Variants in NOTCH1 observed in about 807,000 individuals in gnomAD.
The protein encoded by NOTCH1 is neurogenic locus notch homolog protein 1.
In NOTCH1, 37 loss-of-function variants were observed where a neutral mutation model predicts 254.8. The ratio of observed to expected loss-of-function variants is 0.15; its 90% CI spans 0.11 to 0.19. The LOEUF (loss-of-function observed/expected upper bound fraction) is 0.19, where lower values mean the gene tolerates loss of function less well. Ranked by LOEUF, NOTCH1 falls within the 10% of genes least tolerant of loss-of-function variation. The probability of loss-of-function intolerance (pLI) is 1.00; values close to 1 mark genes in which losing one functional copy is unlikely to be tolerated. For missense variants in NOTCH1, 2,972 were observed against 3,708.6 expected, an observed-to-expected ratio of 0.80 and a Z score of 5.16; for synonymous variants, 1,731 against 1,618.1, an observed-to-expected ratio of 1.07 and a Z score of -1.68.
Position 136,513,141 on chromosome 9 carries a change from G to A in NOTCH1, c.2354-7C>T, listed in dbSNP as rs1843210128. ...TTGGTCTGGCAGTTGGGACCTGGAG[G>A]GAAGGGGACAGCACTCGGCATGTCC... On this transcript the variant is annotated splice_polypyrimidine_tract_variant and splice_region_variant and intron_variant, in intron 14 of 33. Transcript: ENST00000651671. This position sits in a 1 kb window ranked among gnomAD's most constrained non-coding sequence, Gnocchi z 4.7. 1 of 1,608,664 alleles carries A rather than the reference G, an allele frequency of 6.2e-7. No individual in the cohort carries two copies. Among genetic ancestry groups the A allele is most frequent in the South Asian group, 1.1e-5 (1 of 90,998 alleles).
chr9:136,502,195 G>A (rs1043785629), intron 28 of NOTCH1, 77 bp downstream of exon 28: 333 of 1,571,790 alleles, frequency 2.1e-4, no homozygotes, highest in Non-Finnish European at 2.7e-4. Flanking sequence ...GTCGGGAGGG[G>A]CAGACTCCCG....
intron 4 of NOTCH1, among the ~76,000 whole-genome samples, chr9:136,521,194 G>A (rs539628108): frequency 6.6e-6 from 1 of 152,236 alleles, no homozygotes; most frequent in Admixed American, 6.5e-5. Flanking sequence ...GAGTCATTTG[G>A]GGAGGCCCCC....
rs1221283789 is a variant in NOTCH1 at position 136,495,374 on chromosome 9, AC to A, written c.*696del. Reference sequence around the variant, plus strand: ...GATTCATGATTGGTACCATGGGTGCACTCTTGGCATACACACTCCGAGAACA... The same window carrying A: ...GATTCATGATTGGTACCATGGGTGCATCTTGGCATACACACTCCGAGAACA... On this transcript the variant is annotated 3_prime_UTR_variant, in exon 34 of 34. Transcript: ENST00000651671. The A allele has an allele frequency of 2.5e-6, 1 of 398,758 alleles. No individual in the cohort carries two copies. The highest frequency in any genetic ancestry group is 4.4e-5 in the Admixed American group (1 of 22,716). The allele number at this position is 398,758 out of a possible 1,614,324, so 24.7% of individuals were successfully genotyped here.
intron 2 of NOTCH1, among the ~76,000 whole-genome samples, chr9:136,541,515 C>T (rs1328781320): frequency 6.6e-6 from 1 of 152,234 alleles, no homozygotes; most frequent in Non-Finnish European, 1.5e-5. Flanking sequence ...CAAGAGCCTG[C>T]ACCCCAGACT....
rs1470997215 is a variant in NOTCH1 at position 136,509,940 on chromosome 9, G to A, written c.2762C>T (p.Ser921Phe). The change falls in exon 18 of 34, where the codon TCC becomes TTC. Residue 921 changes from serine (S) to phenylalanine (F), a missense_variant. This residue lies in a region of NOTCH1 where 1,343 missense variants were observed against 1,557.0 expected (regional missense o/e 0.86). Transcript: ENST00000651671. ...GGCCGTGTTGATGCCGTCTGTGCAGGAGCCCCCGTTGTGACACGGGTCTGG... is the reference window on the plus strand; with the variant it reads ...GGCCGTGTTGATGCCGTCTGTGCAGAAGCCCCCGTTGTGACACGGGTCTGG... ...CRPNPCHNGG[S>F]CTDGINTAFC... 1.9e-6 allele frequency: 3 copies of A among 1,613,120 alleles called. No individual in the cohort carries two copies. The highest frequency in any genetic ancestry group is 1.3e-5 in the African/African-American group (1 of 74,950).
intron 12 of NOTCH1, 114 bp from the exon 13 acceptor site, chr9:136,514,816 TC>T: frequency 9.1e-7 from 1 of 1,094,734 alleles, no homozygotes; most frequent in Non-Finnish European, 1.3e-6. Context: ...GCCACATCCT[TC>T]CAGGTGTCAG....
rs542249303 is a variant in NOTCH1 at position 136,517,871 on chromosome 9, A to C, written c.1322T>G (p.Leu441Arg). 1 of 1,612,416 alleles carries C rather than the reference A, an allele frequency of 6.2e-7. No individual in the cohort carries two copies. The highest frequency in any genetic ancestry group is 1.1e-5 in the South Asian group (1 of 91,070). Residue 441 changes from leucine (L) to arginine (R), a missense_variant, in exon 8 of 34, where the codon CTG becomes CGG. Leu to Arg is a moderately radical substitution (Grantham distance 102). Around this residue, in one of 8 missense-constraint regions of NOTCH1, gnomAD observed 90 missense variants for 183.6 expected, o/e 0.49. Transcript: ENST00000651671. ...GCATCGGGGGCCCGTGTAGCCCTGC[A>C]GACACTGGCACTCGAAGGAGCCCAG... ...NTLGSFECQC[L>R]QGYTGPRCEI...
chr9:136,497,582 G>T, intron 33 of NOTCH1, 24 bp from the exon 34 acceptor site: 1 of 1,548,380 alleles, frequency 6.5e-7, no homozygotes, highest in Non-Finnish European at 8.7e-7. Context: ...GCGGGGGCCG[G>T]TGAGGGGGGC....
chr9:136,517,389 TG>T lies in NOTCH1; in HGVS notation c.1442-5del. 1 of 1,583,024 alleles carries T rather than the reference TG, an allele frequency of 6.3e-7. No individual in the cohort carries two copies. Among genetic ancestry groups the T allele is most frequent in the Admixed American group, 1.8e-5 (1 of 57,068 alleles). On this transcript the variant is annotated splice_region_variant and splice_polypyrimidine_tract_variant and intron_variant, in intron 8 of 33. Coordinates refer to ENST00000651671, the MANE Select transcript of NOTCH1 (RefSeq NM_017617.5). ...TCGCAGTGCACACCCTCGTAGCCTG[TG>T]GGGTGGGGCAACAGTGAGGGGGGCA...
In NOTCH1 at chr9:136,494,767, G is replaced by C. The variant is rs1331626792; in HGVS notation, c.*1304C>G. The C allele has an allele frequency of 2.5e-6, 1 of 398,598 alleles. No homozygotes were observed. Among genetic ancestry groups the C allele is most frequent in the African/African-American group, 2.1e-5 (1 of 48,630 alleles). The allele number at this position is 398,598 out of a possible 1,614,324, so 24.7% of individuals were successfully genotyped here. A position where few individuals can be genotyped will look rare whatever the true frequency, so the allele number is the denominator to read the frequency against. On this transcript the variant is annotated 3_prime_UTR_variant, in exon 34 of 34. Coordinates refer to ENST00000651671, the MANE Select transcript of NOTCH1 (RefSeq NM_017617.5). ...TCCCTCACTGGCATGACACACAACA[G>C]ACTCATTCATTAAGATTTTTTAAAC...
At position 136,495,294 on chromosome 9, in the gene NOTCH1, G is replaced by A. The variant is rs1044466429; in HGVS notation, c.*777C>T. The A allele has an allele frequency of 5.0e-6, 2 of 398,856 alleles. No homozygotes were observed. The highest frequency in any genetic ancestry group is 8.8e-6 in the Non-Finnish European group (2 of 226,086). The allele number at this position is 398,856 out of a possible 1,614,324, so 24.7% of individuals were successfully genotyped here. A position where few individuals can be genotyped will look rare whatever the true frequency, so the allele number is the denominator to read the frequency against. ...CAGGGGGCCGGGGTGGTTCTGGAGGGACCAAGAACTTGTATAACCAACGAA... is the reference window on the plus strand; with the variant it reads ...CAGGGGGCCGGGGTGGTTCTGGAGGAACCAAGAACTTGTATAACCAACGAA... On this transcript the variant is annotated 3_prime_UTR_variant, in exon 34 of 34. Coordinates refer to ENST00000651671, the MANE Select transcript of NOTCH1 (RefSeq NM_017617.5).
At chr9:136,539,094 C>T (rs571279971) in intron 2 of NOTCH1, among the ~76,000 whole-genome samples, 2 of 152,336 alleles carry the variant, frequency 1.3e-5, no homozygotes, top group East Asian at 1.9e-4. Context: ...TGGGGGTCCC[C>T]GCACCCAGCT....
intron 2 of NOTCH1, among the ~76,000 whole-genome samples, chr9:136,527,527 C>T (rs1024409435): frequency 4.1e-4 from 62 of 152,352 alleles, no homozygotes; most frequent in South Asian, 1.0e-3. Context: ...CCCGCATCTC[C>T]TCCTATCAGG....
rs185523111 is a variant in NOTCH1 at position 136,515,820 on chromosome 9, G to A, written c.1670-104C>T. The A allele has an allele frequency of 2.3e-4, 285 of 1,239,514 alleles. No individual in the cohort carries two copies. The East Asian group carries it at 5.2e-3, about 23-fold the overall frequency. 76.8% of individuals were successfully genotyped at this position (1,239,514 alleles called of 1,614,324 possible). On this transcript the variant is annotated intron_variant, in intron 10 of 33. Transcript: ENST00000651671. The stretch of plus-strand genomic sequence containing the variant: ...CCTGTGCCAACCTGAGGAGGGCTCC[G>A]AGCGTGGCATTCCCACCTACTCAGG...
Position 136,523,088 on chromosome 9 carries a change from G to A in NOTCH1, c.504C>T (p.Pro168=), listed in dbSNP as rs1391321029. 7 of 1,597,186 alleles carry A rather than the reference G, an allele frequency of 4.4e-6. No homozygotes were observed. The highest frequency in any genetic ancestry group is 6.0e-6 in the Non-Finnish European group (7 of 1,172,760). Residue 168 remains proline (P), a synonymous_variant, in exon 4 of 34, where the codon CCC becomes CCT. Transcript: ENST00000651671. ...GCCGGCAGGTGGGGCCATGGAAGCT[G>A]GGTGGGCAGTGGCAGATGTAGGAGG... ...FEASYICHCP[P]SFHGPTCRQD...
Position 136,496,164 on chromosome 9 carries a change from C to G in NOTCH1, c.7575G>C (p.Pro2525=), listed in dbSNP as rs375576856. The G allele has an allele frequency of 2.0e-5, 32 of 1,609,782 alleles. No homozygotes were observed. The highest frequency in any genetic ancestry group is 2.5e-5 in the Non-Finnish European group (30 of 1,179,392). ...CGGACCAGTCGGAGACGTTGGAATG[C>G]GGGGACGAGCTGGACCACTGGTCAG... ...ESPDQWSSSS[P]HSNVSDWSEG... is the part of the protein sequence containing the mutation. The change falls in exon 34 of 34, where the codon CCG becomes CCC. Residue 2525 remains proline (P), a synonymous_variant. Transcript: ENST00000651671.
Position 136,518,198 on chromosome 9 carries a change from G to A in NOTCH1, c.1194C>T (p.Cys398=). ...GGCCCGTGTACCCCGAGGGGCAGGT[G>A]CAGATGGCCTTGCCATTGACAGGGT... ...DTNPVNGKAI[C]TCPSGYTGPA... Residue 398 remains cysteine, a synonymous_variant, in exon 7 of 34, where the codon TGC becomes TGT. Coordinates refer to ENST00000651671, the MANE Select transcript of NOTCH1 (RefSeq NM_017617.5). 2 of 1,606,120 alleles carry A rather than the reference G, an allele frequency of 1.2e-6. No individual in the cohort carries two copies. Among genetic ancestry groups the A allele is most frequent in the African/African-American group, 1.3e-5 (1 of 74,974 alleles).
In NOTCH1 at chr9:136,510,637, C is replaced by T. The variant is rs372622631; in HGVS notation, c.2740+16G>A. Reference sequence around the variant, plus strand: ...GAGAGCTTCCTGGAGGAGGCCAGAGCCGCGGGGCTACTCACTGGGCCGGCA... The same window carrying T: ...GAGAGCTTCCTGGAGGAGGCCAGAGTCGCGGGGCTACTCACTGGGCCGGCA... On this transcript the variant is annotated intron_variant, in intron 17 of 33. Transcript: ENST00000651671. 2 of 1,599,694 alleles carry T rather than the reference C, an allele frequency of 1.3e-6. No individual in the cohort carries two copies. The highest frequency in any genetic ancestry group is 1.7e-6 in the Non-Finnish European group (2 of 1,177,246).
chr9:136,511,210 C>T lies in NOTCH1; in HGVS notation c.2529G>A (p.Glu843=), dbSNP rs1191070636. The change falls in exon 16 of 34, where the codon GAG becomes GAA. Residue 843 remains glutamate (E), a synonymous_variant. Coordinates refer to ENST00000651671, the MANE Select transcript of NOTCH1 (RefSeq NM_017617.5). ...CAPSPCRNGG[E]CRQSEDYESF... is the part of the protein sequence containing the mutation. The stretch of plus-strand genomic sequence containing the variant: ...TCTCATAGTCCTCGGATTGCCTGCA[C>T]TCCCCGCCGTTTCTGCAGGGGCTGG... The T allele has an allele frequency of 3.1e-6, 5 of 1,610,756 alleles. No individual in the cohort carries two copies. Among genetic ancestry groups the T allele is most frequent in the Non-Finnish European group, 4.2e-6 (5 of 1,178,286 alleles).
Sources: allele counts gnomAD v4.1 joint callset (sites outside exome capture counted in the v4.1 genomes callset), GRCh38; gene constraint gnomAD v4.1.1; regional missense constraint gnomAD v4.1.1; non-coding constraint Gnocchi (gnomAD v3.1); transcripts MANE v1.5; gene names NCBI Gene and HGNC (gene_info 2026-07-23, HGNC 2026-07-21).